Variants in COL11A1 observed in about 807,000 individuals in gnomAD.
COL11A1 encodes the protein collagen alpha-1(XI) chain.
In COL11A1, 74 loss-of-function variants were observed where a neutral mutation model predicts 265.2. The ratio of observed to expected loss-of-function variants is 0.28; its 90% CI spans 0.23 to 0.34. COL11A1 has a LOEUF of 0.34. COL11A1 is among the 10% of genes least tolerant of loss of function. The probability of loss-of-function intolerance (pLI) is 1.00; values close to 1 mark genes in which losing one functional copy is unlikely to be tolerated. For missense variants in COL11A1, 2,165 were observed against 2,263.6 expected (o/e 0.96, Z 0.88); for synonymous variants, 816 against 727.6 (o/e 1.12, Z -1.96).
intron 41 of COL11A1, among the ~76,000 whole-genome samples, chr1:102,957,148 A>G (rs1460587032): frequency 6.6e-6 from 1 of 152,036 alleles, no homozygotes; most frequent in East Asian, 1.9e-4. Flanking sequence ...ATCCACTTCT[A>G]TGGAGTGTCA....
intron 1 of COL11A1, among the ~76,000 whole-genome samples, chr1:103,094,640 C>T (rs1323345976): frequency 2.0e-5 from 3 of 152,038 alleles, no homozygotes; most frequent in Non-Finnish European, 4.4e-5. Flanking sequence ...TAAGGAAAAT[C>T]TTTATGATGA....
intron 5 of COL11A1, among the ~76,000 whole-genome samples, chr1:103,027,046 A>T (rs1667576585): frequency 6.6e-6 from 1 of 151,848 alleles, no homozygotes; most frequent in South Asian, 2.1e-4. Context: ...ATTTAAAATC[A>T]CTGCCTTTTT....
chr1:103,037,039 T>A (rs997093493), intron 4 of COL11A1, among the ~76,000 whole-genome samples: 2 of 151,816 alleles, frequency 1.3e-5, no homozygotes, highest in Admixed American at 1.3e-4. Flanking sequence ...TTTATCAAAA[T>A]CAAATTATAT....
intron 1 of COL11A1, among the ~76,000 whole-genome samples, chr1:103,103,456 G>A (rs1002740308): frequency 1.3e-5 from 2 of 151,886 alleles, no homozygotes; most frequent in East Asian, 1.9e-4. Context: ...CTACTTTGAT[G>A]TAATCTTATA....
chr1:103,090,088 C>T (rs920668614), intron 1 of COL11A1, among the ~76,000 whole-genome samples: 16 of 152,054 alleles, frequency 1.1e-4, no homozygotes, highest in Non-Finnish European at 1.5e-5. Context: ...CACACCACTG[C>T]ACTCCAGCCT....
chr1:103,022,639 T>G, intron 8 of COL11A1, 103 bp downstream of exon 8: 1 of 1,426,616 alleles, frequency 7.0e-7, no homozygotes, highest in Non-Finnish European at 9.8e-7. Flanking sequence ...TACATAAAAA[T>G]TCAACCTGCA....
At chr1:102,918,733 C>T (rs1350975961) in intron 49 of COL11A1, among the ~76,000 whole-genome samples, 1 of 151,956 alleles carries the variant, frequency 6.6e-6, no homozygotes, top group African/African-American at 2.4e-5. Context: ...CAAAATGATT[C>T]AGATTGACTG....
At chr1:103,066,550 A>T (rs1334989720) in intron 4 of COL11A1, among the ~76,000 whole-genome samples, 1 of 148,580 alleles carries the variant, frequency 6.7e-6, no homozygotes, top group Non-Finnish European at 1.5e-5. Context: ...ATAAACCCTC[A>T]GCACCAAAAA....
rs563260961 is a variant in COL11A1 at position 103,053,524 on chromosome 1, T to C, written c.651+21094A>G. 7.2e-5 allele frequency among the ~76,000 whole-genome samples: 11 copies of C among 152,306 alleles called. 1 individual carries two copies. Among genetic ancestry groups the C allele is most frequent in the African/African-American group, 2.4e-4 (10 of 41,578 alleles). On this transcript the variant is annotated intron_variant, in intron 4 of 66. Transcript: ENST00000370096. ...GCTTGGTCATAAATAATGTGGCACA[T>C]TTTTGTTTGTTGTTTTTCACTACAC...
intron 1 of COL11A1, among the ~76,000 whole-genome samples, chr1:103,089,756 T>C (rs940243106): frequency 1.3e-5 from 2 of 152,218 alleles, no homozygotes; most frequent in African/African-American, 4.8e-5. Flanking sequence ...GGAAGAGGAT[T>C]GGAAGTGACC....
intron 4 of COL11A1, among the ~76,000 whole-genome samples, chr1:103,038,615 C>A (rs1358877642): frequency 6.6e-6 from 1 of 152,018 alleles, no homozygotes; most frequent in African/African-American, 2.4e-5. Flanking sequence ...AAAAGCCTTG[C>A]ATGTGAACTG....
At chr1:102,936,695 T>G (rs1658184565) in intron 44 of COL11A1, among the ~76,000 whole-genome samples, 1 of 152,132 alleles carries the variant, frequency 6.6e-6, no homozygotes, top group Non-Finnish European at 1.5e-5. Context: ...AAATTATCAA[T>G]GAAGGATATT....
At chr1:103,085,473 C>A (rs35512814) in intron 1 of COL11A1, among the ~76,000 whole-genome samples, 6,205 of 151,940 alleles carry the variant, frequency 0.041, 140 homozygotes, top group Middle Eastern at 0.093. Context: ...TGAAATCCCA[C>A]GGAGGCACAG....
chr1:102,992,779 T>G (rs1442519408), intron 28 of COL11A1, among the ~76,000 whole-genome samples: 1 of 152,106 alleles, frequency 6.6e-6, no homozygotes, highest in African/African-American at 2.4e-5. Context: ...GGAATTTTCT[T>G]TATTTTACAG....
At chr1:103,002,034 C>T (rs775231653) in intron 23 of COL11A1, 65 bp from the exon 24 acceptor site, 2 of 1,332,174 alleles carry the variant, frequency 1.5e-6, no homozygotes, top group Admixed American at 1.7e-5. Context: ...TTTAAAACAG[C>T]AAATTATTAG....
chr1:102,974,095 G>A (rs1662233439), intron 36 of COL11A1, among the ~76,000 whole-genome samples: 1 of 152,050 alleles, frequency 6.6e-6, no homozygotes, highest in Non-Finnish European at 1.5e-5. Context: ...GATGCTGCTG[G>A]GCCAGGGACT....
intron 46 of COL11A1, among the ~76,000 whole-genome samples, chr1:102,928,040 T>C (rs1656837037): frequency 6.6e-6 from 1 of 152,160 alleles, no homozygotes; most frequent in African/African-American, 2.4e-5. Flanking sequence ...CCTATTGCTA[T>C]CAATCTGAAG....
chr1:103,063,303 T>G (rs1036982702), intron 4 of COL11A1, among the ~76,000 whole-genome samples: 3 of 152,092 alleles, frequency 2.0e-5, no homozygotes, highest in African/African-American at 7.2e-5. Flanking sequence ...TGACATTATC[T>G]GACTTTAAGA....
intron 54 of COL11A1, among the ~76,000 whole-genome samples, chr1:102,905,820 G>T (rs1050811547): frequency 6.6e-6 from 1 of 152,066 alleles, no homozygotes; most frequent in Non-Finnish European, 1.5e-5. Flanking sequence ...CTCTGAAAGT[G>T]CAGTTAATTA....
Sources: allele counts gnomAD v4.1 joint callset (sites outside exome capture counted in the v4.1 genomes callset), GRCh38; gene constraint gnomAD v4.1.1; transcripts MANE v1.5; gene names NCBI Gene and HGNC (gene_info 2026-07-23, HGNC 2026-07-21).